ITGB2: variants seen among roughly 807,000 people sequenced by gnomAD.
ITGB2 encodes integrin subunit beta 2, also known as integrin beta-2.
A neutral mutation model predicts 86.8 loss-of-function variants in ITGB2; 56 were observed. The observed-to-expected ratio is 0.65, with a 90% CI of 0.52 to 0.81. The LOEUF (loss-of-function observed/expected upper bound fraction) is 0.81, where lower values mean the gene tolerates loss of function less well. Ranked by LOEUF, ITGB2 falls within the 30% of genes least tolerant of loss-of-function variation. ITGB2 has a pLI of 0.00. For missense variants in ITGB2, 948 were observed against 1,061.2 expected, an observed-to-expected ratio of 0.89 and a Z score of 1.48; for synonymous variants, 457 against 450.4, an observed-to-expected ratio of 1.01 and a Z score of -0.19.
chr21:44,892,421 A>G (rs553083507), intron 10 of ITGB2, among the ~76,000 whole-genome samples: 69 of 152,284 alleles, frequency 4.5e-4, no homozygotes, highest in African/African-American at 1.6e-3. Flanking sequence ...AGAGTTTGAG[A>G]CCAGCCTGGC....
intron 8 of ITGB2, among the ~76,000 whole-genome samples, chr21:44,895,859 A>G (rs1467798197): frequency 4.4e-5 from 6 of 137,640 alleles, no homozygotes; most frequent in Non-Finnish European, 3.1e-5. Context: ...ATGAAATGAA[A>G]TGAAATGAAA....
chr21:44,921,251 G>C (rs891834971), upstream of ITGB2: 1 of 152,406 alleles, frequency 6.6e-6, no homozygotes. Context: ...CTGCTACAGA[G>C]CGGAATGAAA....
Position 44,889,494 on chromosome 21 carries a change from C to T in ITGB2, c.1659G>A (p.Gly553=). 2.6e-6 allele frequency: 4 copies of T among 1,561,470 alleles called. No individual in the cohort carries two copies. The highest frequency in any genetic ancestry group is 2.6e-6 in the Non-Finnish European group (3 of 1,153,542). ...RYNGQVCGGP[G]RGLCFCGKCR... is the part of the protein sequence containing the mutation. Reference sequence around the variant, plus strand: ...ACTTCCCGCAGAAGCAGAGCCCCCTCCCTGGAAGACGGGGCAGCACGGCTA... The same window carrying T: ...ACTTCCCGCAGAAGCAGAGCCCCCTTCCTGGAAGACGGGGCAGCACGGCTA... The change falls in exon 13 of 16, where the codon GGG becomes GGA. Residue 553 remains glycine (G), a splice_region_variant and synonymous_variant. Transcript: ENST00000652462.
At chr21:44,891,617 G>A (rs1386078549) in intron 11 of ITGB2, among the ~76,000 whole-genome samples, 192 bp downstream of exon 11, 1 of 152,190 alleles carries the variant, frequency 6.6e-6, no homozygotes. Context: ...CAGGAGCACG[G>A]GTGAGGGCTT....
At chr21:44,897,634 C>T (rs1442666183) in intron 8 of ITGB2, among the ~76,000 whole-genome samples, 2 of 152,194 alleles carry the variant, frequency 1.3e-5, no homozygotes, top group Admixed American at 6.5e-5. Flanking sequence ...GGGCCTGGGG[C>T]GTCCTGTGGT....
chr21:44,919,020 G>A (rs2084254130), intron 1 of ITGB2, among the ~76,000 whole-genome samples: 1 of 149,604 alleles, frequency 6.7e-6, no homozygotes, highest in Non-Finnish European at 1.5e-5. Flanking sequence ...AGCACTCGGA[G>A]GCACCTGCAG....
At chr21:44,902,659 G>C (rs111306872) in intron 5 of ITGB2, among the ~76,000 whole-genome samples, 1 of 151,370 alleles carries the variant, frequency 6.6e-6, no homozygotes, top group East Asian at 2.0e-4. Context: ...GTGTGCATTC[G>C]CATGTGTGAG....
intron 1 of ITGB2, among the ~76,000 whole-genome samples, chr21:44,919,822 G>T (rs369594910): frequency 1.8e-3 from 267 of 152,352 alleles, no homozygotes; most frequent in Middle Eastern, 0.01. Context: ...TCCAGGGGAG[G>T]GGGGATTGGG....
At chr21:44,919,027 G>GAGCGTCCTT (rs1568909693) in intron 1 of ITGB2, among the ~76,000 whole-genome samples, 1 of 146,624 alleles carries the variant, frequency 6.8e-6, no homozygotes, top group African/African-American at 2.6e-5. Context: ...GGAGGCACCT[G>GAGCGTCCTT]CAGTTGCTCA....
At chr21:44,910,701 C>T (rs753870149) in intron 2 of ITGB2, 24 bp downstream of exon 2, 3 of 1,612,438 alleles carry the variant, frequency 1.9e-6, no homozygotes, top group South Asian at 2.2e-5. Context: ...GCGTGGAGTC[C>T]CCTCCGTGGA....
chr21:44,904,112 G>C (rs1457006309), intron 4 of ITGB2, among the ~76,000 whole-genome samples: 1 of 152,112 alleles, frequency 6.6e-6, no homozygotes, highest in Non-Finnish European at 1.5e-5. Flanking sequence ...CCTGGTACAA[G>C]TCAGCTCTCC....
Position 44,900,476 on chromosome 21 carries a change from C to G in ITGB2, c.742-1G>C, listed in dbSNP as rs1310117668. On this transcript the variant is annotated splice_acceptor_variant, in intron 6 of 15. Transcript: ENST00000652462. LOFTEE classifies it high-confidence loss of function. ...TGACGTTGCGCCAGCCGATTTCCTC[C>G]TGAGAAGAAGGCGTGGGGGGCAGGG... The G allele has an allele frequency of 1.2e-6, 2 of 1,613,918 alleles. No individual in the cohort carries two copies. Among genetic ancestry groups the G allele is most frequent in the African/African-American group, 2.7e-5 (2 of 75,054 alleles).
At chr21:44,908,157 TG>T in intron 3 of ITGB2, 1 of 745,952 alleles carries the variant, frequency 1.3e-6, no homozygotes, top group Non-Finnish European at 2.5e-6. Flanking sequence ...CGCGGTGGCG[TG>T]GGCTGGAGGA....
chr21:44,917,189 G>A (rs555407461), intron 1 of ITGB2, among the ~76,000 whole-genome samples: 65 of 152,296 alleles, frequency 4.3e-4, no homozygotes, highest in South Asian at 8.3e-4. Context: ...CTGTGTAGCC[G>A]TCAACGTGTA....
upstream of ITGB2, among the ~76,000 whole-genome samples, chr21:44,924,104 C>T (rs2146575286): frequency 6.6e-6 from 1 of 152,140 alleles, no homozygotes; most frequent in African/African-American, 2.4e-5. Flanking sequence ...CAGCCCCAAA[C>T]AGCAAATATC....
chr21:44,888,049 G>C (rs567751894), intron 14 of ITGB2, among the ~76,000 whole-genome samples: 1 of 152,266 alleles, frequency 6.6e-6, no homozygotes, highest in Non-Finnish European at 1.5e-5. Context: ...CAAGGTCACC[G>C]TGGGGCTGGG....
chr21:44,911,656 G>T (rs2084135004), intron 1 of ITGB2, among the ~76,000 whole-genome samples: 2 of 152,334 alleles, frequency 1.3e-5, no homozygotes, highest in Admixed American at 1.3e-4. Flanking sequence ...AGTTGCCGGG[G>T]TCCTGCCCTT....
At chr21:44,928,753 T>C (rs1046140174) in exon 1 of ITGB2, 5 of 173,062 alleles carry the variant, frequency 2.9e-5, no homozygotes, top group African/African-American at 1.2e-4. Context: ...GTTCAATTCA[T>C]GGTTTCTGCC....
chr21:44,901,517 G>C lies in ITGB2; in HGVS notation c.716C>G (p.Ala239Gly). ...NLDAPEGGLD[A>G]MMQVAACPEE... Reference sequence around the variant, plus strand: ...CGGGCAGGCGGCGACCTGCATCATGGCGTCCAGCCCACCCTCGGGTGCATC... The same window carrying C: ...CGGGCAGGCGGCGACCTGCATCATGCCGTCCAGCCCACCCTCGGGTGCATC... Residue 239 changes from alanine to glycine, a missense_variant, in exon 6 of 16, where the codon GCC (alanine) becomes GGC (glycine). Ala to Gly is a moderately conservative substitution (Grantham distance 60, BLOSUM62 0). Transcript: ENST00000652462. 1 of 1,614,224 alleles carries C rather than the reference G, an allele frequency of 6.2e-7. No homozygotes were observed. The highest frequency in any genetic ancestry group is 8.5e-7 in the Non-Finnish European group (1 of 1,180,044).
Sources: allele counts gnomAD v4.1 joint callset (sites outside exome capture counted in the v4.1 genomes callset), GRCh38; gene constraint gnomAD v4.1.1; transcripts MANE v1.5; gene names NCBI Gene and HGNC (gene_info 2026-07-23, HGNC 2026-07-21).